Variants in LAMC2 observed in about 807,000 individuals in gnomAD.
The protein encoded by LAMC2 is laminin subunit gamma 2.
A neutral mutation model predicts 140.2 loss-of-function variants in LAMC2; 97 were observed. The ratio of observed to expected loss-of-function variants is 0.69; its 90% CI spans 0.59 to 0.82. The LOEUF is 0.82. LAMC2 is among the 40% of genes least tolerant of loss of function. The probability of loss-of-function intolerance (pLI) is 0.00; values close to 1 mark genes in which losing one functional copy is unlikely to be tolerated. For missense variants in LAMC2, 1,402 were observed against 1,476.1 expected (o/e 0.95, Z 0.82); for synonymous variants, 513 against 540.2 (o/e 0.95, Z 0.70).
At chr1:183,258,958 G>A in the LAMC2 span, among the ~76,000 whole-genome samples, 1 of 152,134 alleles carries the variant, frequency 6.6e-6, no homozygotes, top group Non-Finnish European at 1.5e-5. Context: ...ATAAAACTCT[G>A]GTCTCCCGCA....
chr1:183,189,137 A>C (rs1486016066), intron 1 of LAMC2, among the ~76,000 whole-genome samples: 1 of 152,222 alleles, frequency 6.6e-6, no homozygotes, highest in Non-Finnish European at 1.5e-5. Flanking sequence ...AGGGACATTT[A>C]GGAGGTGAAA....
At chr1:183,202,437 A>G (rs561026823) in intron 1 of LAMC2, among the ~76,000 whole-genome samples, 1 of 152,324 alleles carries the variant, frequency 6.6e-6, no homozygotes, top group South Asian at 2.1e-4. Flanking sequence ...GCAAAACAAA[A>G]TCTACCGATG....
chr1:183,255,953 C>T, the LAMC2 span, among the ~76,000 whole-genome samples: 583 of 152,066 alleles, frequency 3.8e-3, 4 homozygotes, highest in Non-Finnish European at 6.9e-3. Flanking sequence ...TGTGAGCCAC[C>T]GTGCCTGGCT....
chr1:183,208,410 T>C (rs1036954368), intron 2 of LAMC2, among the ~76,000 whole-genome samples: 1 of 152,170 alleles, frequency 6.6e-6, no homozygotes, highest in Non-Finnish European at 1.5e-5. Context: ...TGCAAGCAGA[T>C]GACAAAGGAA....
At chr1:183,200,345 G>C (rs866190175) in intron 1 of LAMC2, among the ~76,000 whole-genome samples, 2 of 151,830 alleles carry the variant, frequency 1.3e-5, no homozygotes, top group Non-Finnish European at 2.9e-5. Flanking sequence ...AGCCAAGATC[G>C]CGCCACTGCA....
At chr1:183,219,237 T>A (rs1057163674) in intron 4 of LAMC2, among the ~76,000 whole-genome samples, 2 of 152,252 alleles carry the variant, frequency 1.3e-5, no homozygotes, top group African/African-American at 4.8e-5. Context: ...CAGTCACTTA[T>A]ACCTGCACAG....
rs1180057398 is a variant in LAMC2 at position 183,236,404 on chromosome 1, AAAG to A, written c.2457-53_2457-51del. On this transcript the variant is annotated intron_variant, in intron 16 of 22. Transcript: ENST00000264144. ...ACCCTGTCTCAAAAAAAAAAAAAAA[AAAG>A]AATTCTCAAAGTCCTCTTTTTATTA... 8.7e-5 allele frequency: 132 copies of A among 1,512,058 alleles called. No individual in the cohort carries two copies. The African/African-American group carries it at 1.1e-3, about 13-fold the overall frequency. The allele number at this position is 1,512,058 out of a possible 1,614,324, so 93.7% of individuals were successfully genotyped here.
the LAMC2 span, among the ~76,000 whole-genome samples, chr1:183,253,904 CGTGTGTGTGTGTGTGTGTGT>C: frequency 6.9e-6 from 1 of 144,270 alleles, no homozygotes; most frequent in Non-Finnish European, 1.5e-5. Context: ...GTTCCACTTC[CGTGTGTGTGTGTGTGTGTGT>C]GTGTGTGTGT....
At chr1:183,222,808 A>T (rs1404547046) in intron 6 of LAMC2, among the ~76,000 whole-genome samples, 1 of 152,218 alleles carries the variant, frequency 6.6e-6, no homozygotes, top group East Asian at 1.9e-4. Context: ...CATTCTGTCA[A>T]CTAAAGCATT....
chr1:183,225,357 G>A (rs113717072), intron 7 of LAMC2, among the ~76,000 whole-genome samples: 52 of 152,284 alleles, frequency 3.4e-4, no homozygotes, highest in African/African-American at 1.2e-3. Flanking sequence ...ATGGTTTCAG[G>A]TGATGTCACC....
At chr1:183,251,046 C>T in the LAMC2 span, 2 of 152,286 alleles carry the variant, frequency 1.3e-5, no homozygotes, top group East Asian at 3.9e-4. Flanking sequence ...TTCCTTATGG[C>T]TCTCCAAGCA....
chr1:183,241,744 C>A (rs1660139992), intron 22 of LAMC2, among the ~76,000 whole-genome samples: 1 of 151,208 alleles, frequency 6.6e-6, no homozygotes, highest in Non-Finnish European at 1.5e-5. Flanking sequence ...ATCCAATGAG[C>A]CCAAAAGAGT....
chr1:183,231,020 G>A lies in LAMC2; in HGVS notation c.1774G>A (p.Val592Ile), dbSNP rs1571533356. The stretch of plus-strand genomic sequence containing the variant: ...AGGATGTCGAAGTGATGGCACCTGT[G>A]TTTGCAAGCCAGGATTTGGTGGCCC... ...PVGCRSDGTC[V>I]CKPGFGGPNC... The change falls in exon 12 of 23, where the codon GTT becomes ATT. Residue 592 changes from valine (V) to isoleucine (I), a missense_variant. Around this residue, in one of 3 missense-constraint regions of LAMC2, gnomAD observed 723 missense variants for 783.3 expected, o/e 0.92. Transcript: ENST00000264144. The A allele has an allele frequency of 2.5e-6, 4 of 1,614,152 alleles. No homozygotes were observed. The highest frequency in any genetic ancestry group is 2.5e-6 in the Non-Finnish European group (3 of 1,180,030).
chr1:183,193,730 G>A (rs1658420343), intron 1 of LAMC2, among the ~76,000 whole-genome samples: 1 of 152,168 alleles, frequency 6.6e-6, no homozygotes, highest in Admixed American at 6.6e-5. Flanking sequence ...AGATCTGCAG[G>A]GAGCAGGGGA....
intron 1 of LAMC2, among the ~76,000 whole-genome samples, chr1:183,197,473 G>C (rs562435324): frequency 9.2e-5 from 14 of 152,172 alleles, no homozygotes; most frequent in African/African-American, 3.4e-4. Flanking sequence ...TCAGGAGTTC[G>C]AGACCAACCT....
chr1:183,230,960 G>C lies in LAMC2; in HGVS notation c.1715-1G>C, dbSNP rs774080932. 1 of 1,614,074 alleles carries C rather than the reference G, an allele frequency of 6.2e-7. No individual in the cohort carries two copies. Among genetic ancestry groups the C allele is most frequent in the Admixed American group, 1.7e-5 (1 of 60,012 alleles). The stretch of plus-strand genomic sequence containing the variant: ...ATGCTCCATTTGTCTTTTGTCTCTA[G>C]CTTGCAACTGTAACCCCATGGGCTC... On this transcript the variant is annotated splice_acceptor_variant, in intron 11 of 22. Coordinates refer to ENST00000264144, the MANE Select transcript of LAMC2 (RefSeq NM_005562.3). LOFTEE classifies it high-confidence loss of function.
At chr1:183,241,198 A>G (rs771271770) in intron 22 of LAMC2, 472 of 644,874 alleles carry the variant, frequency 7.3e-4, no homozygotes, top group Non-Finnish European at 7.6e-4. Context: ...CAGTGAGCCA[A>G]GATTGCACCA....
At chr1:183,189,158 G>C (rs551569) in intron 1 of LAMC2, among the ~76,000 whole-genome samples, 86,699 of 151,978 alleles carry the variant, frequency 0.57, 25,481 homozygotes, top group East Asian at 0.73. Flanking sequence ...TCTAAAGAAT[G>C]TGGTGATCCA....
rs556438452 is a variant in LAMC2, at chr1:183,198,648, C to T, written c.80-9233C>T. Among the ~76,000 whole-genome samples the T allele has an allele frequency of 8.5e-5, 13 of 152,302 alleles. No individual in the cohort carries two copies. The East Asian group carries it at 2.5e-3, about 29-fold the overall frequency. ...TGCTCAAATTCCTAGCTCCTGACAC[C>T]GTCCCACACAGCCGCCAAGTACACT... is the stretch of plus-strand genomic sequence containing the variant. On this transcript the variant is annotated intron_variant, in intron 1 of 22. Transcript: ENST00000264144.
Sources: allele counts gnomAD v4.1 joint callset (sites outside exome capture counted in the v4.1 genomes callset), GRCh38; gene constraint gnomAD v4.1.1; regional missense constraint gnomAD v4.1.1; transcripts MANE v1.5; gene names NCBI Gene and HGNC (gene_info 2026-07-23, HGNC 2026-07-21).